CELF2: variants seen among roughly 807,000 people sequenced by gnomAD.
The protein encoded by CELF2 is CUGBP Elav-like family member 2, also known as CUG triplet repeat RNA-binding protein 2.
In CELF2, 8 loss-of-function variants were observed where a neutral mutation model predicts 62.6. The ratio of observed to expected loss-of-function variants is 0.13; its 90% CI spans 0.07 to 0.23. The LOEUF is 0.23. CELF2 is among the 10% of genes least tolerant of loss of function. CELF2 has a pLI of 1.00. For synonymous variants in CELF2, 258 were observed against 250.0 expected (o/e 1.03, Z -0.30); for missense variants, 333 against 671.0 (o/e 0.50, Z 5.56).
the CELF2 span, among the ~76,000 whole-genome samples, chr10:10,716,810 T>A: frequency 6.6e-6 from 1 of 152,204 alleles, no homozygotes; most frequent in Admixed American, 6.5e-5. Flanking sequence ...TCCAACACTT[T>A]CGCTGCAACA....
intron 1 of CELF2, among the ~76,000 whole-genome samples, chr10:11,099,890 A>AC (rs1564736270): frequency 0.01 from 1,458 of 142,460 alleles, 31 homozygotes; most frequent in African/African-American, 0.038. Flanking sequence ...ACAACAAAAA[A>AC]AAAAAAAAAA....
Position 11,332,068 on chromosome 10 carries a change from T to C in CELF2, c.*3015T>C, listed in dbSNP as rs1414546080. Reference sequence around the variant, plus strand: ...AAATCCTACACTACTTTTACTACTTTTGATTATTTCTCATTTTTGGGAAAA... The same window carrying C: ...AAATCCTACACTACTTTTACTACTTCTGATTATTTCTCATTTTTGGGAAAA... On this transcript the variant is annotated 3_prime_UTR_variant, in exon 13 of 13. Transcript: ENST00000633077. The C allele has an allele frequency of 6.6e-6, 1 of 152,222 alleles. No individual in the cohort carries two copies. The highest frequency in any genetic ancestry group is 1.9e-4 in the East Asian group (1 of 5,202). 9.4% of individuals were successfully genotyped at this position (152,222 alleles called of 1,614,324 possible).
the CELF2 span, among the ~76,000 whole-genome samples, chr10:10,696,813 G>C: frequency 5.3e-4 from 81 of 152,194 alleles, 2 homozygotes; most frequent in Admixed American, 5.2e-3. Flanking sequence ...CGCTTCCCAA[G>C]TGAGGCAATG....
the CELF2 span, among the ~76,000 whole-genome samples, chr10:10,731,203 A>C: frequency 6.6e-6 from 1 of 151,724 alleles, no homozygotes; most frequent in East Asian, 1.9e-4. Context: ...ACTTTTTCCA[A>C]ATTGGATTTA....
At chr10:10,598,839 C>T in the CELF2 span, among the ~76,000 whole-genome samples, 5 of 146,008 alleles carry the variant, frequency 3.4e-5, no homozygotes, top group South Asian at 2.2e-4. Flanking sequence ...CTGCAACCTC[C>T]GCCTCCCGGG....
intron 1 of CELF2, among the ~76,000 whole-genome samples, chr10:11,086,578 TAA>T (rs1168932032): frequency 1.2e-3 from 84 of 71,962 alleles, no homozygotes; most frequent in East Asian, 3.2e-3. Context: ...TTGCATTTGT[TAA>T]AAAAAAAAAA....
At chr10:10,775,613 CAAAAA>C in the CELF2 span, among the ~76,000 whole-genome samples, 2 of 136,594 alleles carry the variant, frequency 1.5e-5, no homozygotes, top group African/African-American at 5.3e-5. Context: ...GACTCTGTCT[CAAAAA>C]AAAAAAAATA....
At chr10:10,645,527 C>T in the CELF2 span, among the ~76,000 whole-genome samples, 2 of 152,094 alleles carry the variant, frequency 1.3e-5, no homozygotes. Flanking sequence ...GGTAGCACGC[C>T]CATGTAGTCC....
the CELF2 span, among the ~76,000 whole-genome samples, chr10:10,730,958 G>T: frequency 6.6e-6 from 1 of 152,212 alleles, no homozygotes; most frequent in Non-Finnish European, 1.5e-5. Flanking sequence ...ATTGTTGTTT[G>T]AAGTCCCTGA....
the CELF2 span, among the ~76,000 whole-genome samples, chr10:10,465,822 C>T: frequency 1.3e-5 from 2 of 151,966 alleles, no homozygotes; most frequent in South Asian, 2.1e-4. Context: ...AAATACAAGA[C>T]AATTACCAGC....
chr10:11,260,444 C>T lies in CELF2; in HGVS notation c.538+2572C>T, dbSNP rs1158511821. On this transcript the variant is annotated intron_variant, in intron 5 of 12. Coordinates refer to ENST00000633077, the MANE Select transcript of CELF2 (RefSeq NM_001326342.2). The surrounding 1 kb of genome is among the most constrained non-coding windows in gnomAD (Gnocchi z 4.2). ...TATTTCTGCAGATCAGGTTTTAAAG[C>T]AGCCAGAACCTCCATGGGAAAGAGC... Among the ~76,000 whole-genome samples the T allele has an allele frequency of 6.6e-6, 1 of 152,202 alleles. No individual in the cohort carries two copies. Among genetic ancestry groups the T allele is most frequent in the Non-Finnish European group, 1.5e-5 (1 of 68,032 alleles).
At chr10:10,530,870 G>A in the CELF2 span, among the ~76,000 whole-genome samples, 1 of 152,124 alleles carries the variant, frequency 6.6e-6, no homozygotes, top group African/African-American at 2.4e-5. Context: ...GAATAGAATG[G>A]TCTTTTTAAT....
intron 1 of CELF2, among the ~76,000 whole-genome samples, chr10:10,866,520 G>A (rs1047892224): frequency 2.7e-5 from 4 of 148,800 alleles, no homozygotes; most frequent in Non-Finnish European, 3.0e-5. Context: ...GAGCAGAATC[G>A]CTTGAACCCG....
At chr10:10,963,350 C>T (rs978034995) in intron 2 of CELF2, among the ~76,000 whole-genome samples, 1 of 152,150 alleles carries the variant, frequency 6.6e-6, no homozygotes, top group Non-Finnish European at 1.5e-5. Flanking sequence ...CCACCGTGCC[C>T]AGCCAGGAAA....
intron 2 of CELF2, chr10:11,169,041 T>G (rs1051007075): frequency 6.6e-6 from 1 of 152,252 alleles, no homozygotes; most frequent in African/African-American, 2.4e-5. Context: ...AATTTCTGGC[T>G]CTACTGCTTC....
At chr10:10,558,550 A>G in the CELF2 span, among the ~76,000 whole-genome samples, 1 of 152,066 alleles carries the variant, frequency 6.6e-6, no homozygotes, top group Non-Finnish European at 1.5e-5. Flanking sequence ...CTGGCCTCAT[A>G]AAATGAGTTA....
intron 2 of CELF2, among the ~76,000 whole-genome samples, chr10:10,978,345 C>T (rs572394506): frequency 1.3e-5 from 2 of 152,302 alleles, no homozygotes; most frequent in Admixed American, 1.3e-4. Context: ...AGAAGGGAAA[C>T]TATTCACCTG....
intron 2 of CELF2, among the ~76,000 whole-genome samples, chr10:11,176,767 G>A (rs1239939088): frequency 1.3e-5 from 2 of 152,124 alleles, no homozygotes; most frequent in Non-Finnish European, 2.9e-5. Flanking sequence ...GACAGTGTGA[G>A]TAAACTACCA....
chr10:10,864,943 A>G (rs1279217607), intron 1 of CELF2, among the ~76,000 whole-genome samples: 1 of 152,196 alleles, frequency 6.6e-6, no homozygotes, highest in Non-Finnish European at 1.5e-5. Flanking sequence ...GAGTTTCCCC[A>G]CATATGAAAT....
Sources: gnomAD v4.1 joint callset for allele counts (sites outside exome capture counted in the v4.1 genomes callset) on GRCh38, gnomAD v4.1.1 for gene constraint, Gnocchi (gnomAD v3.1) non-coding constraint, MANE v1.5 for transcripts, NCBI Gene and HGNC (gene_info 2026-07-23, HGNC 2026-07-21) for gene names.